CSMD1: variants seen among roughly 807,000 people sequenced by gnomAD.
CSMD1 encodes the protein CUB and sushi domain-containing protein 1.
A neutral mutation model predicts 417.5 loss-of-function variants in CSMD1; 213 were observed. That is an observed-to-expected ratio of 0.51 (90% CI 0.46 to 0.57). The LOEUF (loss-of-function observed/expected upper bound fraction) is 0.57. Ranked by LOEUF, CSMD1 falls within the 20% of genes least tolerant of loss-of-function variation. CSMD1 has a pLI of 0.00. For missense variants in CSMD1, 6,923 were observed against 4,529.7 expected, an observed-to-expected ratio of 1.53 and a Z score of -15.17; for synonymous variants, 2,862 against 1,736.8, an observed-to-expected ratio of 1.65 and a Z score of -16.11.
chr8:4,451,989 G>A (rs948568811), intron 2 of CSMD1, among the ~76,000 whole-genome samples: 17 of 149,298 alleles, frequency 1.1e-4, no homozygotes, highest in African/African-American at 3.2e-4. Flanking sequence ...CATATAGTTT[G>A]ATATATATAT....
intron 1 of CSMD1, among the ~76,000 whole-genome samples, chr8:4,892,060 T>A (rs1181219146): frequency 3.3e-5 from 5 of 152,064 alleles, no homozygotes; most frequent in Non-Finnish European, 5.9e-5. Flanking sequence ...TCTGAGTCAG[T>A]AGAAGGTGCG....
chr8:4,797,351 A>T (rs1798036036), intron 1 of CSMD1, among the ~76,000 whole-genome samples: 1 of 152,186 alleles, frequency 6.6e-6, no homozygotes, highest in Non-Finnish European at 1.5e-5. Context: ...AAGCAGGAGA[A>T]AGGGAGCATC....
At chr8:3,466,088 T>C (rs187265676) in intron 12 of CSMD1, among the ~76,000 whole-genome samples, 18 of 152,216 alleles carry the variant, frequency 1.2e-4, no homozygotes, top group Admixed American at 2.6e-4. Context: ...AAAATGAAAA[T>C]GCAAACAGAA....
rs1275475124 is a variant in CSMD1 at position 2,955,749 on chromosome 8, T to A, written c.9834A>T (p.Pro3278=). The A allele has an allele frequency of 3.1e-6, 5 of 1,613,834 alleles. No homozygotes were observed. The highest frequency in any genetic ancestry group is 4.2e-6 in the Non-Finnish European group (5 of 1,179,838). Residue 3278 remains proline (P), a synonymous_variant, in exon 64 of 70, where the codon CCA becomes CCT. Coordinates refer to ENST00000635120, the MANE Select transcript of CSMD1 (RefSeq NM_033225.6). ...TCACATCCGCGTGTGCCGGGGTTTC[T>A]GGCTGTCTGCAGGCATGAGCTGAAA... ...TECIPHACRQ[P]ETPAHADVRA...
intron 46 of CSMD1, among the ~76,000 whole-genome samples, chr8:3,097,627 C>A (rs949126031): frequency 7.2e-5 from 11 of 152,230 alleles, no homozygotes; most frequent in African/African-American, 2.2e-4. Flanking sequence ...GGGATGATGA[C>A]AGATTTCATC....
At chr8:4,921,733 T>C (rs1302683660) in intron 1 of CSMD1, among the ~76,000 whole-genome samples, 1 of 152,182 alleles carries the variant, frequency 6.6e-6, no homozygotes, top group Non-Finnish European at 1.5e-5. Flanking sequence ...TAAGACAAAA[T>C]GTGTTCCTTG....
At chr8:4,030,097 G>C (rs1459746552) in intron 4 of CSMD1, among the ~76,000 whole-genome samples, 1 of 152,168 alleles carries the variant, frequency 6.6e-6, no homozygotes, top group Non-Finnish European at 1.5e-5. Flanking sequence ...GCTTTCATGG[G>C]CTGCTGTTAA....
intron 5 of CSMD1, among the ~76,000 whole-genome samples, chr8:3,915,611 A>G (rs1222471659): frequency 6.6e-6 from 1 of 151,346 alleles, no homozygotes; most frequent in Non-Finnish European, 1.5e-5. Context: ...GAAATACTTG[A>G]AAAGCTTATC....
chr8:4,953,471 G>A (rs193026606), intron 1 of CSMD1, among the ~76,000 whole-genome samples: 1 of 152,066 alleles, frequency 6.6e-6, no homozygotes, highest in African/African-American at 2.4e-5. Flanking sequence ...TGCTTTATAA[G>A]GAGCATTTCT....
In CSMD1 at chr8:3,540,386, G is replaced by T. The variant is rs368394174; in HGVS notation, c.1344+34559C>A. Among the ~76,000 whole-genome samples the T allele has an allele frequency of 2.0e-4, 31 of 152,132 alleles. No homozygotes were observed. In the East Asian group the frequency reaches 3.3e-3, roughly 16 times the overall value. On this transcript the variant is annotated intron_variant, in intron 10 of 69. Transcript: ENST00000635120. ...CCTTTAAAATCAAGTACAGCTCAAG[G>T]TGGATTCAAGACTTAAATGTAAAAC...
intron 3 of CSMD1, among the ~76,000 whole-genome samples, chr8:4,317,697 G>A (rs999862729): frequency 1.3e-5 from 2 of 152,098 alleles, no homozygotes; most frequent in Non-Finnish European, 1.5e-5. Flanking sequence ...TTAGAAGTGA[G>A]GTAACATAAA....
At chr8:3,660,385 A>C (rs1798350442) in intron 7 of CSMD1, among the ~76,000 whole-genome samples, 1 of 152,114 alleles carries the variant, frequency 6.6e-6, no homozygotes, top group Admixed American at 6.6e-5. Flanking sequence ...CAGAAAAAGT[A>C]ATCCACGTAT....
In CSMD1 at chr8:4,129,798, C is replaced by G. The variant is rs528193614; in HGVS notation, c.416-97699G>C. ...ACAATTTAATTTTCTCCATTTGTTA[C>G]TCCAACTTTATTTTCTAAGTTGTCT... On this transcript the variant is annotated intron_variant, in intron 3 of 69. Transcript: ENST00000635120. Among the ~76,000 whole-genome samples the G allele has an allele frequency of 6.6e-5, 10 of 152,232 alleles. No homozygotes were observed. In the South Asian group the frequency reaches 2.1e-3, roughly 32 times the overall value.
intron 3 of CSMD1, among the ~76,000 whole-genome samples, chr8:4,130,098 G>C (rs1001986807): frequency 6.6e-6 from 1 of 152,014 alleles, no homozygotes; most frequent in African/African-American, 2.4e-5. Context: ...GAGGGCTAGG[G>C]CTGCTCCATC....
At chr8:4,644,270 T>A (rs902597873) in intron 1 of CSMD1, among the ~76,000 whole-genome samples, 1 of 152,166 alleles carries the variant, frequency 6.6e-6, no homozygotes, top group Non-Finnish European at 1.5e-5. Context: ...CCTTTGAACA[T>A]GTGGGTCCAG....
chr8:4,863,902 A>C (rs900268755), intron 1 of CSMD1, among the ~76,000 whole-genome samples: 7 of 151,698 alleles, frequency 4.6e-5, no homozygotes, highest in African/African-American at 7.3e-5. Flanking sequence ...AATTAAAAGC[A>C]AAAAGGAAGT....
chr8:3,940,529 GTGTGTGTATGTA>G (rs1420396097), intron 5 of CSMD1, among the ~76,000 whole-genome samples: 1 of 134,680 alleles, frequency 7.4e-6, no homozygotes, highest in East Asian at 2.1e-4. Context: ...GTGTGTGTGT[GTGTGTGTATGTA>G]TGTGTACATA....
chr8:2,980,353 T>C (rs1345948303), intron 54 of CSMD1, among the ~76,000 whole-genome samples: 6 of 151,578 alleles, frequency 4.0e-5, no homozygotes, highest in Non-Finnish European at 7.4e-5. Flanking sequence ...CATTTCCTCC[T>C]CCACCTCTGT....
chr8:4,020,407 C>A (rs996063746), intron 4 of CSMD1, among the ~76,000 whole-genome samples: 1 of 152,194 alleles, frequency 6.6e-6, no homozygotes, highest in Admixed American at 6.5e-5. Flanking sequence ...AGCATGACAT[C>A]TGTTCAAAAT....
Sources: gnomAD v4.1 joint callset for allele counts (sites outside exome capture counted in the v4.1 genomes callset) on GRCh38, gnomAD v4.1.1 for gene constraint, MANE v1.5 for transcripts, NCBI Gene and HGNC (gene_info 2026-07-23, HGNC 2026-07-21) for gene names.